Variants in CLTCL1 observed in about 807,000 individuals in gnomAD.
CLTCL1 encodes the protein clathrin heavy chain 2.
Under a neutral mutation model 190.0 loss-of-function variants are expected in CLTCL1, and 159 were observed. The observed-to-expected ratio is 0.84, with a 90% CI of 0.74 to 0.95. CLTCL1 has a LOEUF of 0.95. Among genes scored for constraint, CLTCL1 ranks in the 40% least tolerant of loss-of-function variants. CLTCL1 has a pLI of 0.00. For missense variants in CLTCL1, 1,878 were observed against 2,033.4 expected (o/e 0.92, Z 1.47); for synonymous variants, 752 against 769.6 (o/e 0.98, Z 0.38).
chr22:19,240,195 G>A (rs782363367), intron 4 of CLTCL1, among the ~76,000 whole-genome samples: 11 of 151,440 alleles, frequency 7.3e-5, no homozygotes, highest in Non-Finnish European at 1.6e-4. Flanking sequence ...ACCCCACCTC[G>A]GGTAATCCAA....
At position 19,191,460 on chromosome 22, in the gene CLTCL1, A is replaced by C. The variant is rs370050928; in HGVS notation, c.4192-25T>G. 3 of 1,610,302 alleles carry C rather than the reference A, an allele frequency of 1.9e-6. No homozygotes were observed. In the African/African-American group the frequency reaches 4.0e-5, roughly 22 times the overall value. On this transcript the variant is annotated intron_variant, in intron 26 of 32. Transcript: ENST00000427926. ...CCTGTGGTGAGCAAAGCTGAGGGTC[A>C]GTCCCTGCCGCTGTCTCCAGATACC...
chr22:19,233,739 T>C (rs2085990589), intron 7 of CLTCL1, 117 bp from the exon 8 acceptor site: 1 of 894,368 alleles, frequency 1.1e-6, no homozygotes, highest in Non-Finnish European at 1.7e-6. Context: ...TGCTCTGTCA[T>C]AGACAAAAAG....
intron 24 of CLTCL1, 57 bp from the exon 25 acceptor site, chr22:19,196,713 C>T: frequency 1.3e-6 from 2 of 1,560,578 alleles, no homozygotes; most frequent in South Asian, 2.4e-5. Context: ...CTGCAGCCAC[C>T]CTCCAGCCCA....
chr22:19,253,535 C>G (rs1555971086), intron 3 of CLTCL1, among the ~76,000 whole-genome samples: 1 of 152,170 alleles, frequency 6.6e-6, no homozygotes, highest in African/African-American at 2.4e-5. Context: ...AACAACCTCT[C>G]AAAACAGTGC....
At chr22:19,219,822 A>G (rs2145746228) in intron 18 of CLTCL1, 63 bp downstream of exon 18, 2 of 1,601,480 alleles carry the variant, frequency 1.2e-6, no homozygotes, top group African/African-American at 1.3e-5. Flanking sequence ...CAGTCACTTG[A>G]GCCACAATGA....
chr22:19,188,657 A>G (rs1394402250), intron 27 of CLTCL1, among the ~76,000 whole-genome samples: 2 of 145,530 alleles, frequency 1.4e-5, no homozygotes, highest in East Asian at 4.1e-4. Context: ...CGTCGCCCAC[A>G]CTGGAGTGCA....
chr22:19,192,063 C>CTTTTTTTTTT (rs782761355), intron 26 of CLTCL1, among the ~76,000 whole-genome samples: 1 of 118,338 alleles, frequency 8.5e-6, no homozygotes, highest in Non-Finnish European at 1.7e-5. Flanking sequence ...GCGATGTCAT[C>CTTTTTTTTTT]TTTTTTTTTT....
intron 11 of CLTCL1, among the ~76,000 whole-genome samples, chr22:19,229,002 C>T (rs1455892240): frequency 6.6e-6 from 1 of 152,174 alleles, no homozygotes; most frequent in African/African-American, 2.4e-5. Context: ...TAAAATGGTA[C>T]AGCCTCCTGG....
chr22:19,191,471 C>T, intron 26 of CLTCL1, 36 bp from the exon 27 acceptor site: 1 of 1,607,828 alleles, frequency 6.2e-7, no homozygotes, highest in Non-Finnish European at 8.5e-7. Flanking sequence ...GTCCCTGCCG[C>T]TGTCTCCAGA....
At chr22:19,183,754 G>A in intron 29 of CLTCL1, 143 bp from the exon 30 acceptor site, 1 of 786,478 alleles carries the variant, frequency 1.3e-6, no homozygotes, top group Non-Finnish European at 2.1e-6. Flanking sequence ...CCATGGCTGG[G>A]CCATTCCCTA....
chr22:19,196,246 C>T lies in CLTCL1; in HGVS notation c.4191+20G>A, dbSNP rs782477286. On this transcript the variant is annotated intron_variant, in intron 26 of 32. Coordinates refer to ENST00000427926, the MANE Select transcript of CLTCL1 (RefSeq NM_007098.4). The stretch of plus-strand genomic sequence containing the variant: ...CCTGGCAGAGGCTGGCAGGAGCCAG[C>T]GCTCTGTATCCCCTCTTACCTTGGT... The T allele has an allele frequency of 4.6e-5, 74 of 1,607,764 alleles. No individual in the cohort carries two copies. Among genetic ancestry groups the T allele is most frequent in the African/African-American group, 1.7e-4 (13 of 74,896 alleles).
chr22:19,216,076 G>C (rs2085375990), intron 19 of CLTCL1, 35 bp downstream of exon 19: 3 of 1,604,942 alleles, frequency 1.9e-6, no homozygotes, highest in African/African-American at 1.3e-5. Flanking sequence ...TTTTGAATCT[G>C]CCTGTGTCCA....
chr22:19,289,645 G>A (rs2146417513), intron 1 of CLTCL1, among the ~76,000 whole-genome samples: 1 of 152,036 alleles, frequency 6.6e-6, no homozygotes, highest in South Asian at 2.1e-4. Context: ...AACACAAACA[G>A]GAAGAAACAA....
chr22:19,204,749 A>T (rs2084999001), intron 22 of CLTCL1, among the ~76,000 whole-genome samples: 1 of 152,268 alleles, frequency 6.6e-6, no homozygotes, highest in Non-Finnish European at 1.5e-5. Context: ...AGTTGCAGTC[A>T]GCAGATGCCA....
At chr22:19,202,758 T>C (rs891609190) in intron 22 of CLTCL1, among the ~76,000 whole-genome samples, 3 of 152,168 alleles carry the variant, frequency 2.0e-5, no homozygotes, top group Admixed American at 2.0e-4. Flanking sequence ...CCTTCTCTTC[T>C]CAAAGCTCTA....
rs1188687187 is a variant in CLTCL1, at chr22:19,235,796, C to A, written c.869G>T (p.Gly290Val). Reference sequence around the variant, plus strand: ...AATACGGTTCATGCAGATGCACACGCCAGACTCTAGGTCGTACAGATGAAG... The same window carrying A: ...AATACGGTTCATGCAGATGCACACGACAGACTCTAGGTCGTACAGATGAAG... ...GYLHLYDLES[G>V]VCICMNRISA... Residue 290 changes from glycine (G) to valine (V), a missense_variant, in exon 6 of 33, where the codon GGC becomes GTC. Transcript: ENST00000427926. 6.2e-7 allele frequency: 1 copy of A among 1,613,808 alleles called. No individual in the cohort carries two copies. Among genetic ancestry groups the A allele is most frequent in the Non-Finnish European group, 8.5e-7 (1 of 1,179,882 alleles).
intron 11 of CLTCL1, among the ~76,000 whole-genome samples, chr22:19,226,775 T>C (rs149902884): frequency 1.3e-5 from 2 of 152,196 alleles, no homozygotes; most frequent in African/African-American, 4.8e-5. Context: ...TCTCACTCCA[T>C]CACTCAGGCT....
intron 1 of CLTCL1, among the ~76,000 whole-genome samples, chr22:19,280,407 A>G (rs767205159): frequency 7.2e-5 from 11 of 152,128 alleles, no homozygotes; most frequent in Non-Finnish European, 1.3e-4. Context: ...TCAATGGATG[A>G]ATAGATAAGC....
At chr22:19,187,793 C>G in intron 28 of CLTCL1, 65 bp from the exon 29 acceptor site, 1 of 1,540,624 alleles carries the variant, frequency 6.5e-7, no homozygotes, top group South Asian at 1.1e-5. Context: ...ATGGAGCAGG[C>G]ACCTTGTGTT....
Sources: gnomAD v4.1 joint callset for allele counts (sites outside exome capture counted in the v4.1 genomes callset) on GRCh38, gnomAD v4.1.1 for gene constraint, MANE v1.5 for transcripts, NCBI Gene and HGNC (gene_info 2026-07-23, HGNC 2026-07-21) for gene names.